Variants in CACNA1C observed in about 807,000 individuals in gnomAD.
The protein encoded by CACNA1C is calcium voltage-gated channel subunit alpha1 C.
CACNA1C carries 30 observed loss-of-function variants against 229.0 expected under a neutral mutation model. The ratio of observed to expected loss-of-function variants is 0.13; its 90% CI spans 0.10 to 0.18. The LOEUF (loss-of-function observed/expected upper bound fraction) is 0.18, where lower values mean the gene tolerates loss of function less well. CACNA1C is among the 10% of genes least tolerant of loss of function. CACNA1C has a pLI of 1.00. For synonymous variants in CACNA1C, 1,114 were observed against 1,132.5 expected (o/e 0.98, Z 0.33); for missense variants, 1,658 against 2,845.0 (o/e 0.58, Z 9.49).
At chr12:2,309,492 T>TACAC (rs375903186) in intron 3 of CACNA1C, among the ~76,000 whole-genome samples, 114 of 146,364 alleles carry the variant, frequency 7.8e-4, no homozygotes, top group African/African-American at 2.4e-3. Flanking sequence ...CACACACACA[T>TACAC]ACACACACAC....
chr12:2,490,868 G>A (rs2099722928), intron 6 of CACNA1C, among the ~76,000 whole-genome samples: 1 of 152,196 alleles, frequency 6.6e-6, no homozygotes, highest in South Asian at 2.1e-4. Flanking sequence ...TCAGGGACCA[G>A]CAGTGCAGAC....
At chr12:2,174,015 G>T (rs759201977) in intron 3 of CACNA1C, among the ~76,000 whole-genome samples, 39 of 152,018 alleles carry the variant, frequency 2.6e-4, no homozygotes, top group Non-Finnish European at 3.7e-4. Flanking sequence ...ATCAAAGGGC[G>T]AGTTTTAATA....
At chr12:2,556,834 C>T (rs2044572495) in intron 10 of CACNA1C, 117 bp from the exon 11 acceptor site, 2 of 824,080 alleles carry the variant, frequency 2.4e-6, no homozygotes, top group Admixed American at 1.8e-5. Flanking sequence ...ACCATGCCTC[C>T]TTCCAGCACC....
At chr12:2,173,021 G>C (rs904051546) in intron 3 of CACNA1C, among the ~76,000 whole-genome samples, 1 of 152,190 alleles carries the variant, frequency 6.6e-6, no homozygotes, top group Non-Finnish European at 1.5e-5. Flanking sequence ...GTCCAGGAGA[G>C]AGCAGGGCTT....
Position 2,651,403 on chromosome 12 carries a change from C to A in CACNA1C, c.3946-237C>A. ...GAAGGGGAATCGGGGAGAATAAAAACACAGGACCACAGCCCAGCGGCCTGG... is the reference window on the plus strand; with the variant it reads ...GAAGGGGAATCGGGGAGAATAAAAAAACAGGACCACAGCCCAGCGGCCTGG... On this transcript the variant is annotated intron_variant, in intron 31 of 46. Coordinates refer to ENST00000399655, the MANE Select transcript of CACNA1C (RefSeq NM_000719.7). The surrounding 1 kb of genome is among the most constrained non-coding windows in gnomAD (Gnocchi z 5.4). The A allele has an allele frequency of 1.7e-6, 1 of 574,630 alleles. No individual in the cohort carries two copies. The highest frequency in any genetic ancestry group is 3.1e-6 in the Non-Finnish European group (1 of 324,820). 35.6% of individuals were successfully genotyped at this position (574,630 alleles called of 1,614,324 possible).
intron 5 of CACNA1C, among the ~76,000 whole-genome samples, chr12:2,484,749 T>C (rs952578175): frequency 3.8e-5 from 5 of 132,446 alleles, no homozygotes; most frequent in African/African-American, 1.4e-4. Context: ...TGCAGTTCAG[T>C]TTTCAACTTT....
intron 3 of CACNA1C, among the ~76,000 whole-genome samples, chr12:2,428,974 C>A (rs569221916): frequency 5.9e-5 from 9 of 152,192 alleles, no homozygotes; most frequent in Non-Finnish European, 1.3e-4. Context: ...AAAATGTATA[C>A]TTTTGTATCC....
chr12:2,288,819 T>C (rs2093089030), intron 3 of CACNA1C: 1 of 152,224 alleles, frequency 6.6e-6, no homozygotes, highest in African/African-American at 2.4e-5. Flanking sequence ...GAGCTGCCAC[T>C]GCCAGCACCC....
chr12:2,429,848 T>G (rs1186118675), intron 3 of CACNA1C, among the ~76,000 whole-genome samples: 1 of 152,190 alleles, frequency 6.6e-6, no homozygotes, highest in Non-Finnish European at 1.5e-5. Flanking sequence ...CACAAGCTCA[T>G]GAGTTCAGGC....
chr12:2,673,761 A>C (rs564413156), intron 38 of CACNA1C, among the ~76,000 whole-genome samples: 25 of 152,200 alleles, frequency 1.6e-4, no homozygotes, highest in Admixed American at 2.6e-4. Flanking sequence ...CCGGCTGGAG[A>C]GAACTCTGCC....
intron 1 of CACNA1C, among the ~76,000 whole-genome samples, chr12:2,076,913 G>A (rs901066316): frequency 3.3e-5 from 5 of 152,224 alleles, no homozygotes; most frequent in African/African-American, 4.8e-5. Context: ...ATTGAGACAT[G>A]GAACATGAAC....
chr12:2,669,338 GAAAAA>G (rs11424036), intron 38 of CACNA1C, among the ~76,000 whole-genome samples: 5 of 151,068 alleles, frequency 3.3e-5, no homozygotes, highest in African/African-American at 1.2e-4. Flanking sequence ...CTGATGAACT[GAAAAA>G]AAAAATTGCA....
intron 1 of CACNA1C, among the ~76,000 whole-genome samples, chr12:2,058,315 C>T (rs980930613): frequency 6.6e-6 from 1 of 152,182 alleles, no homozygotes; most frequent in Admixed American, 6.5e-5. Context: ...CTTGCTGGGA[C>T]CCTGAAATCA....
At chr12:2,046,063 G>A (rs1247781713) in intron 1 of CACNA1C, among the ~76,000 whole-genome samples, 1 of 152,034 alleles carries the variant, frequency 6.6e-6, no homozygotes, top group Non-Finnish European at 1.5e-5. Context: ...CAAAGAAGGG[G>A]TTCTCCCTGA....
intron 13 of CACNA1C, among the ~76,000 whole-genome samples, chr12:2,579,263 A>G (rs1568547532): frequency 1.3e-5 from 2 of 152,138 alleles, no homozygotes; most frequent in South Asian, 2.1e-4. Flanking sequence ...TTCCATGACC[A>G]TTAAGGCTTT....
At position 2,639,003 on chromosome 12, in the gene CACNA1C, C is replaced by T. The variant is rs1479737063; in HGVS notation, c.3912+4623C>T. ...GGCAGAGGAGCGGAGAGGCCTGGGC[C>T]AGGGCCTCTGGCGCGAGGAGATCGG... On this transcript the variant is annotated intron_variant, in intron 30 of 46. Transcript: ENST00000399655. The surrounding 1 kb of genome is among the most constrained non-coding windows in gnomAD (Gnocchi z 4.2). Among the ~76,000 whole-genome samples the T allele has an allele frequency of 1.3e-5, 2 of 152,240 alleles. No individual in the cohort carries two copies. The highest frequency in any genetic ancestry group is 2.9e-5 in the Non-Finnish European group (2 of 68,038).
intron 13 of CACNA1C, among the ~76,000 whole-genome samples, chr12:2,577,369 A>G (rs138881679): frequency 6.6e-6 from 1 of 152,344 alleles, no homozygotes; most frequent in African/African-American, 2.4e-5. Context: ...TTCTTCCCCA[A>G]AGGTGACACA....
At chr12:2,096,062 A>G (rs2073813292) in intron 1 of CACNA1C, among the ~76,000 whole-genome samples, 1 of 152,108 alleles carries the variant, frequency 6.6e-6, no homozygotes, top group African/African-American at 2.4e-5. Flanking sequence ...CCCTGGAGAT[A>G]CTCACAGGTG....
In CACNA1C at chr12:2,033,129, T is replaced by C. The variant is rs182142589; in HGVS notation, c.139+61928T>C. ...CACCCTGGGGGAGTTCCGCTGGCCATTCCACTTCCAGAGGGGAGGTGCTTG... is the reference window on the plus strand; with the variant it reads ...CACCCTGGGGGAGTTCCGCTGGCCACTCCACTTCCAGAGGGGAGGTGCTTG... On this transcript the variant is annotated intron_variant, in intron 1 of 46. Coordinates refer to the CACNA1C transcript ENST00000682462. 6.5e-3 allele frequency among the ~76,000 whole-genome samples: 987 copies of C among 152,264 alleles called. 35 individuals are homozygous for C. Among genetic ancestry groups the C allele is most frequent in the Admixed American group, 0.06 (919 of 15,298 alleles).
Sources: gnomAD v4.1 joint callset for allele counts (sites outside exome capture counted in the v4.1 genomes callset) on GRCh38, gnomAD v4.1.1 for gene constraint, Gnocchi (gnomAD v3.1) non-coding constraint, MANE v1.5 for transcripts, NCBI Gene and HGNC (gene_info 2026-07-23, HGNC 2026-07-21) for gene names.